The following PTPRQ variants were observed in gnomAD, a reference collection of about 807,000 sequenced individuals.
The protein encoded by PTPRQ is protein tyrosine phosphatase receptor type Q.
Under a neutral mutation model 246.0 loss-of-function variants are expected in PTPRQ, and 199 were observed. The ratio of observed to expected loss-of-function variants is 0.81; its 90% CI spans 0.72 to 0.91. PTPRQ has a LOEUF of 0.91. Among genes scored for constraint, PTPRQ ranks in the 40% least tolerant of loss-of-function variants. PTPRQ has a pLI of 0.00. For synonymous variants in PTPRQ, 869 were observed against 853.2 expected, an observed-to-expected ratio of 1.02 and a Z score of -0.32; for missense variants, 2,624 against 2,528.4, an observed-to-expected ratio of 1.04 and a Z score of -0.81.
Position 80,669,156 on chromosome 12 carries a change from A to G in PTPRQ, c.6327+15A>G. ...AAAAAGGACGGGTAAGTTATTTGAA[A>G]ATGTTTTACAAATGTTGTTTTACGA... On this transcript the variant is annotated intron_variant, in intron 40 of 44. Coordinates refer to ENST00000644991, the MANE Select transcript of PTPRQ (RefSeq NM_001145026.2). 1 of 1,540,802 alleles carries G rather than the reference A, an allele frequency of 6.5e-7. No homozygotes were observed. Among genetic ancestry groups the G allele is most frequent in the Non-Finnish European group, 8.8e-7 (1 of 1,140,928 alleles).
intron 26 of PTPRQ, among the ~76,000 whole-genome samples, chr12:80,601,096 C>T (rs1018515650): frequency 3.9e-5 from 6 of 151,968 alleles, no homozygotes; most frequent in Middle Eastern, 3.4e-3. Context: ...CATGAGCTGA[C>T]CACTATATTT....
At chr12:80,487,824 A>C (rs1416874230) in intron 9 of PTPRQ, among the ~76,000 whole-genome samples, 1 of 152,088 alleles carries the variant, frequency 6.6e-6, no homozygotes, top group Non-Finnish European at 1.5e-5. Context: ...ACAATTTTCC[A>C]CAAACTTAGC....
chr12:80,634,830 T>C, intron 34 of PTPRQ, 115 bp from the exon 35 acceptor site: 4 of 1,414,994 alleles, frequency 2.8e-6, no homozygotes, highest in Non-Finnish European at 2.8e-6. Context: ...TTCAGAGAGG[T>C]GATTTTAACA....
intron 39 of PTPRQ, among the ~76,000 whole-genome samples, chr12:80,663,307 A>G (rs1339523265): frequency 6.6e-6 from 1 of 151,958 alleles, no homozygotes; most frequent in African/African-American, 2.4e-5. Context: ...TATTTAGTAT[A>G]CAATATGTGA....
At chr12:80,627,362 T>C (rs1218185753) in intron 33 of PTPRQ, among the ~76,000 whole-genome samples, 1 of 147,450 alleles carries the variant, frequency 6.8e-6, no homozygotes, top group Non-Finnish European at 1.5e-5. Flanking sequence ...ATAATAATAA[T>C]AATAATAATA....
Position 80,457,252 on chromosome 12 carries a change from T to C in PTPRQ, c.391-323T>C, listed in dbSNP as rs59973438. Among the ~76,000 whole-genome samples, 16,112 of 152,146 alleles carry C rather than the reference T, an allele frequency of 0.11. 1,210 individuals are homozygous for C. Among genetic ancestry groups the C allele is most frequent in the African/African-American group, 0.21 (8,787 of 41,506 alleles). On this transcript the variant is annotated intron_variant, in intron 3 of 44. Transcript: ENST00000644991. ...ACAGAAATAATTGTAATGTCTTTTA[T>C]GTAGTGGATATATCAGAGAAAGACT...
At chr12:80,447,580 G>A (rs1243434337) in intron 3 of PTPRQ, among the ~76,000 whole-genome samples, 3 of 152,000 alleles carry the variant, frequency 2.0e-5, no homozygotes, top group Non-Finnish European at 4.4e-5. Context: ...TTTTGTATAT[G>A]CTGAGAGCTA....
chr12:80,605,196 C>A lies in PTPRQ; in HGVS notation c.4731+16C>A. 1 of 1,537,436 alleles carries A rather than the reference C, an allele frequency of 6.5e-7. No homozygotes were observed. Among genetic ancestry groups the A allele is most frequent in the East Asian group, 2.5e-5 (1 of 40,242 alleles). The stretch of plus-strand genomic sequence containing the variant: ...TGTCAAATCGGTAAGGCATGTCTTA[C>A]CTTCTGTAAAAGCCAGTATAAAATG... On this transcript the variant is annotated intron_variant, in intron 27 of 44. Transcript: ENST00000644991.
intron 15 of PTPRQ, 102 bp downstream of exon 15, chr12:80,506,308 T>C: frequency 1.6e-6 from 2 of 1,271,634 alleles, no homozygotes; most frequent in Non-Finnish European, 2.1e-6. Context: ...TCATGCAGGG[T>C]ATTACAATTT....
chr12:80,581,253 GAATA>G (rs1183128493), intron 25 of PTPRQ, among the ~76,000 whole-genome samples: 1 of 152,070 alleles, frequency 6.6e-6, no homozygotes, highest in African/African-American at 2.4e-5. Flanking sequence ...ATCTAAAAAA[GAATA>G]AATAAAAGAA....
intron 38 of PTPRQ, among the ~76,000 whole-genome samples, chr12:80,655,303 A>C (rs1900396111): frequency 6.6e-6 from 1 of 152,188 alleles, no homozygotes; most frequent in South Asian, 2.1e-4. Context: ...CCATAAGAGT[A>C]TTGTAAAAAT....
At chr12:80,671,268 T>C (rs1162158316) in intron 42 of PTPRQ, among the ~76,000 whole-genome samples, 1 of 152,064 alleles carries the variant, frequency 6.6e-6, no homozygotes, top group Non-Finnish European at 1.5e-5. Context: ...AAAAGCCTCA[T>C]TTTTACCTTC....
chr12:80,659,075 A>G (rs999245115), intron 39 of PTPRQ, among the ~76,000 whole-genome samples: 1 of 152,078 alleles, frequency 6.6e-6, no homozygotes, highest in Admixed American at 6.6e-5. Flanking sequence ...GGAGTGAATA[A>G]TGGGAGAATT....
At chr12:80,554,405 T>C (rs1436314438) in intron 25 of PTPRQ, among the ~76,000 whole-genome samples, 1 of 152,162 alleles carries the variant, frequency 6.6e-6, no homozygotes, top group Non-Finnish European at 1.5e-5. Context: ...AGCTAATAAA[T>C]GTTGGGATTT....
chr12:80,622,209 A>G, intron 33 of PTPRQ, 75 bp downstream of exon 33: 1 of 1,087,714 alleles, frequency 9.2e-7, no homozygotes, highest in Non-Finnish European at 1.2e-6. Flanking sequence ...TAAATGTATT[A>G]ATCCATGTCT....
At chr12:80,597,364 A>T (rs1898003633) in intron 26 of PTPRQ, among the ~76,000 whole-genome samples, 1 of 151,996 alleles carries the variant, frequency 6.6e-6, no homozygotes, top group Non-Finnish European at 1.5e-5. Context: ...GAAAATGGTG[A>T]TATTTTATGC....
In PTPRQ at chr12:80,480,093, C is replaced by T. The variant is rs563502754; in HGVS notation, c.1187-4340C>T. On this transcript the variant is annotated intron_variant, in intron 8 of 44. Coordinates refer to ENST00000644991, the MANE Select transcript of PTPRQ (RefSeq NM_001145026.2). ...ACATTTTTTTCAGCACCACACCACA[C>T]CTATTCCAAAATTGACTACATACTT... 1.3e-4 allele frequency among the ~76,000 whole-genome samples: 19 copies of T among 151,494 alleles called. No homozygotes were observed. In the East Asian group the frequency reaches 3.5e-3, roughly 28 times the overall value.
intron 8 of PTPRQ, among the ~76,000 whole-genome samples, chr12:80,477,551 C>T (rs1294361671): frequency 6.6e-6 from 1 of 152,218 alleles, no homozygotes; most frequent in Non-Finnish European, 1.5e-5. Flanking sequence ...ATAGGAACAG[C>T]TCCAGTCTAC....
chr12:80,646,068 G>A (rs1385811339), intron 35 of PTPRQ, among the ~76,000 whole-genome samples: 1 of 152,100 alleles, frequency 6.6e-6, no homozygotes, highest in Non-Finnish European at 1.5e-5. Flanking sequence ...GTAAAATTAA[G>A]AGAATATTCT....
Sources: allele counts gnomAD v4.1 joint callset (sites outside exome capture counted in the v4.1 genomes callset), GRCh38; gene constraint gnomAD v4.1.1; transcripts MANE v1.5; gene names NCBI Gene and HGNC (gene_info 2026-07-23, HGNC 2026-07-21).